The following SLC28A1 variants were observed in gnomAD, a reference collection of about 807,000 sequenced individuals.
SLC28A1 encodes solute carrier family 28 member 1, also known as sodium/nucleoside cotransporter 1.
Under a neutral mutation model 74.8 loss-of-function variants are expected in SLC28A1, and 64 were observed. The observed-to-expected ratio is 0.86, with a 90% CI of 0.70 to 1.05. The LOEUF is 1.05. Ranked by LOEUF, SLC28A1 falls within the 50% of genes least tolerant of loss-of-function variation. SLC28A1 has a pLI of 0.00. For missense variants in SLC28A1, 828 were observed against 822.8 expected, an observed-to-expected ratio of 1.01 and a Z score of -0.08; for synonymous variants, 359 against 335.0, an observed-to-expected ratio of 1.07 and a Z score of -0.78.
intron 15 of SLC28A1, chr15:84,940,530 C>G (rs991080439): frequency 2.6e-5 from 4 of 153,258 alleles, no homozygotes; most frequent in Non-Finnish European, 5.9e-5. Context: ...TCTTCCCCAT[C>G]TTTCCTTCCC....
At chr15:84,950,320 T>C (rs1024626720), downstream of SLC28A1, among the ~76,000 whole-genome samples, 2 of 150,656 alleles carry the variant, frequency 1.3e-5, no homozygotes, top group Non-Finnish European at 2.9e-5. Flanking sequence ...ACTTGACCCG[T>C]GTAGAAAGAC....
chr15:84,884,781 G>A, intron 1 of SLC28A1, 30 bp downstream of exon 1: 8 of 979,296 alleles, frequency 8.2e-6, no homozygotes, highest in Non-Finnish European at 9.7e-6. Flanking sequence ...GGAGAGGAGG[G>A]AAGGCGGGAC....
In SLC28A1 at chr15:84,895,700, G is replaced by C. The variant is rs149466284; in HGVS notation, c.461+577G>C. The C allele has an allele frequency of 1.4e-3, 1,974 of 1,378,492 alleles. 24 individuals carry two copies. The African/African-American group carries it at 0.026, about 18-fold the overall frequency. 85.4% of individuals were successfully genotyped at this position (1,378,492 alleles called of 1,614,324 possible). ...GCCCAGCCCACCATTTCACCAGGCA[G>C]CTCTAAATTTATGTGTTTTATAAGC... is the stretch of plus-strand genomic sequence containing the variant. On this transcript the variant is annotated intron_variant, in intron 6 of 18. Coordinates refer to ENST00000394573, the MANE Select transcript of SLC28A1 (RefSeq NM_004213.5).
intron 6 of SLC28A1, among the ~76,000 whole-genome samples, chr15:84,896,346 A>C (rs375874928): frequency 1.3e-5 from 2 of 152,372 alleles, no homozygotes; most frequent in African/African-American, 4.8e-5. Flanking sequence ...TGTGCTCAAC[A>C]TCAGTAGCCA....
At chr15:84,922,161 T>C (rs1233241259) in intron 11 of SLC28A1, among the ~76,000 whole-genome samples, 1 of 152,164 alleles carries the variant, frequency 6.6e-6, no homozygotes, top group African/African-American at 2.4e-5. Context: ...ACTCCCTCCC[T>C]GCAGGATCAC....
downstream of SLC28A1, among the ~76,000 whole-genome samples, chr15:84,948,252 A>C (rs998877800): frequency 6.6e-6 from 1 of 152,186 alleles, no homozygotes; most frequent in East Asian, 1.9e-4. Flanking sequence ...CACATGAAGA[A>C]TATCATCTGC....
At chr15:84,919,487 A>G (rs991004965) in intron 10 of SLC28A1, among the ~76,000 whole-genome samples, 3 of 152,242 alleles carry the variant, frequency 2.0e-5, no homozygotes, top group Non-Finnish European at 4.4e-5. Context: ...ATGGCCAAAT[A>G]GAGGGTATGG....
At chr15:84,895,158 G>A in intron 6 of SLC28A1, 35 bp downstream of exon 6, 1 of 1,610,902 alleles carries the variant, frequency 6.2e-7, no homozygotes. Flanking sequence ...CAGGGCAGGG[G>A]AGGGCCCATG....
intron 5 of SLC28A1, among the ~76,000 whole-genome samples, chr15:84,891,817 G>C (rs1024470861): frequency 1.3e-5 from 2 of 152,194 alleles, no homozygotes; most frequent in South Asian, 2.1e-4. Flanking sequence ...AGGCTGAATG[G>C]GCAGGGTGTG....
At chr15:84,895,624 G>A in intron 6 of SLC28A1, 2 of 1,474,208 alleles carry the variant, frequency 1.4e-6, no homozygotes, top group Admixed American at 2.2e-5. Context: ...AAATCTCAGC[G>A]ATGTCACAGG....
chr15:84,967,210 G>C, the SLC28A1 span, among the ~76,000 whole-genome samples: 2 of 152,174 alleles, frequency 1.3e-5, no homozygotes, highest in East Asian at 1.9e-4. Context: ...GCTTTGTTAC[G>C]TTGCTACTTG....
At chr15:84,885,752 G>A (rs1380836485) in intron 1 of SLC28A1, among the ~76,000 whole-genome samples, 1 of 151,004 alleles carries the variant, frequency 6.6e-6, no homozygotes, top group East Asian at 1.9e-4. Context: ...AAAAAAAGGA[G>A]GAAAATGCCA....
chr15:84,888,948 A>G, intron 4 of SLC28A1, 88 bp downstream of exon 4: 1 of 905,304 alleles, frequency 1.1e-6, no homozygotes. Context: ...GGCGGATGGG[A>G]GTTGGGGGGA....
rs1426412395 is a variant in SLC28A1, at chr15:84,888,755, C to T, written c.97-17C>T. 4 of 1,546,142 alleles carry T rather than the reference C, an allele frequency of 2.6e-6. No homozygotes were observed. In the African/African-American group the frequency reaches 4.1e-5, roughly 16 times the overall value. On this transcript the variant is annotated splice_polypyrimidine_tract_variant and intron_variant, in intron 3 of 18. Coordinates refer to ENST00000394573, the MANE Select transcript of SLC28A1 (RefSeq NM_004213.5). ...GGTAAGGGGCAGGCCGACCTGACGG[C>T]TCCCTGCGGGCTGTAGGAGGAAGGC...
At chr15:84,931,609 G>A (rs1350258893) in intron 12 of SLC28A1, among the ~76,000 whole-genome samples, 4 of 131,460 alleles carry the variant, frequency 3.0e-5, no homozygotes, top group African/African-American at 1.2e-4. Flanking sequence ...CCAAGATGGC[G>A]CCACTACACT....
chr15:84,934,971 C>T (rs543054089), intron 13 of SLC28A1, 55 bp from the exon 14 acceptor site: 1 of 1,480,536 alleles, frequency 6.8e-7, no homozygotes, highest in Non-Finnish European at 9.4e-7. Context: ...AGGATAGGGA[C>T]CCTTGCTGGT....
the SLC28A1 span, among the ~76,000 whole-genome samples, chr15:84,956,666 C>CT: frequency 0.052 from 7,042 of 134,278 alleles, 452 homozygotes; most frequent in African/African-American, 0.13. Flanking sequence ...CTAATTTTTA[C>CT]TTTTTTTTTT....
At chr15:84,904,292 C>T (rs989295981) in intron 7 of SLC28A1, 54 bp downstream of exon 7, 3 of 1,609,706 alleles carry the variant, frequency 1.9e-6, no homozygotes, top group Non-Finnish European at 2.5e-6. Flanking sequence ...TCTCTTCTGC[C>T]CCTAGGCTGG....
Position 84,905,566 on chromosome 15 carries a change from C to G in SLC28A1, c.631C>G (p.Leu211Val). Residue 211 changes from leucine (L) to valine (V), a missense_variant, in exon 8 of 19, where the codon CTT (leucine) becomes GTT (valine). By Grantham distance (32) the Leu-to-Val change is conservative. Transcript: ENST00000394573. ...GTCCTGGAGGGCCGTGTCTTGGGGACTTGGACTGCAGTTTGTACTTGGACT... is the reference window on the plus strand; with the variant it reads ...GTCCTGGAGGGCCGTGTCTTGGGGAGTTGGACTGCAGTTTGTACTTGGACT... ...AVSWRAVSWG[L>V]GLQFVLGLLV... 3 of 1,613,896 alleles carry G rather than the reference C, an allele frequency of 1.9e-6. No homozygotes were observed. Among genetic ancestry groups the G allele is most frequent in the Middle Eastern group, 3.3e-4 (2 of 6,060 alleles).
Sources: gnomAD v4.1 joint callset for allele counts (sites outside exome capture counted in the v4.1 genomes callset) on GRCh38, gnomAD v4.1.1 for gene constraint, MANE v1.5 for transcripts, NCBI Gene and HGNC (gene_info 2026-07-23, HGNC 2026-07-21) for gene names.